Variants in PDGFC observed in about 807,000 individuals in gnomAD.
PDGFC encodes platelet-derived growth factor C.
A neutral mutation model predicts 35.5 loss-of-function variants in PDGFC; 12 were observed. The observed-to-expected ratio is 0.34, with a 90% confidence interval of 0.22 to 0.55. The LOEUF is 0.55. Among genes scored for constraint, PDGFC ranks in the 20% least tolerant of loss-of-function variants. PDGFC has a pLI of 0.91. For synonymous variants in PDGFC, 159 were observed against 148.8 expected (o/e 1.07, Z -0.50); for missense variants, 322 against 412.4 (o/e 0.78, Z 1.90).
chr4:156,826,174 A>ATTTTTTTTTTTTTTTTTTT lies in PDGFC; in HGVS notation c.315-15176_315-15158dup, dbSNP rs59421806. Among the ~76,000 whole-genome samples the ATTTTTTTTTTTTTTTTTTT allele has an allele frequency of 9.1e-5, 4 of 43,790 alleles. 1 individual carries two copies. Among genetic ancestry groups the ATTTTTTTTTTTTTTTTTTT allele is most frequent in the African/African-American group, 3.2e-4 (4 of 12,386 alleles). The allele number at this position is 43,790 out of a possible 152,430, so 28.7% of individuals were successfully genotyped here. A position where few individuals can be genotyped will look rare whatever the true frequency, so the allele number is the denominator to read the frequency against. ...GCCACCATATCCAGCTTTGAGTTGG[A>ATTTTTTTTTTTTTTTTTTT]TTTTTTTTTTTTTTTTTTTTTTTTT... On this transcript the variant is annotated intron_variant, in intron 2 of 5. Coordinates refer to ENST00000502773, the MANE Select transcript of PDGFC (RefSeq NM_016205.3).
At chr4:156,789,674 C>T (rs912336269) in intron 3 of PDGFC, among the ~76,000 whole-genome samples, 4 of 152,056 alleles carry the variant, frequency 2.6e-5, no homozygotes, top group Non-Finnish European at 4.4e-5. Flanking sequence ...TGAGACATCA[C>T]TAAAAATTAG....
intron 2 of PDGFC, among the ~76,000 whole-genome samples, chr4:156,815,725 T>C (rs1732069074): frequency 6.6e-6 from 1 of 152,176 alleles, no homozygotes; most frequent in South Asian, 2.1e-4. Context: ...CATGCCCAGG[T>C]GACTGCTCTG....
chr4:156,789,786 C>T (rs1273147367), intron 3 of PDGFC, among the ~76,000 whole-genome samples: 1 of 152,018 alleles, frequency 6.6e-6, no homozygotes, highest in Non-Finnish European at 1.5e-5. Flanking sequence ...ACCATCCTGG[C>T]TAACACGGTG....
chr4:156,935,917 C>T (rs1731669287), intron 1 of PDGFC, among the ~76,000 whole-genome samples: 1 of 152,092 alleles, frequency 6.6e-6, no homozygotes, highest in African/African-American at 2.4e-5. Flanking sequence ...ATGTCAAGTA[C>T]ACATTTTATA....
intron 1 of PDGFC, among the ~76,000 whole-genome samples, chr4:156,917,169 A>G (rs1731172081): frequency 6.6e-6 from 1 of 152,218 alleles, no homozygotes; most frequent in South Asian, 2.1e-4. Context: ...CTCTTGACAG[A>G]TGGCCTTCAA....
At chr4:156,950,668 T>C (rs974564416) in intron 1 of PDGFC, among the ~76,000 whole-genome samples, 15 of 151,840 alleles carry the variant, frequency 9.9e-5, no homozygotes, top group African/African-American at 3.1e-4. Flanking sequence ...AAAAGTTCTT[T>C]TTTTTTCCTC....
chr4:156,785,664 C>T (rs1004539381), intron 3 of PDGFC, among the ~76,000 whole-genome samples: 1 of 151,996 alleles, frequency 6.6e-6, no homozygotes, highest in Non-Finnish European at 1.5e-5. Context: ...GAGAGATGAC[C>T]GACTCTTCAA....
chr4:156,901,482 A>T (rs1014191810), intron 1 of PDGFC, among the ~76,000 whole-genome samples: 3 of 152,202 alleles, frequency 2.0e-5, no homozygotes, highest in Admixed American at 6.5e-5. Flanking sequence ...GTCACAGAGT[A>T]CATGACATAC....
intron 1 of PDGFC, among the ~76,000 whole-genome samples, chr4:156,857,325 T>C (rs571484629): frequency 2.0e-5 from 3 of 152,224 alleles, no homozygotes; most frequent in African/African-American, 7.2e-5. Context: ...AGCCTTCTGA[T>C]TTTACGAACA....
chr4:156,843,298 C>A (rs1729248526), intron 2 of PDGFC, among the ~76,000 whole-genome samples: 1 of 152,186 alleles, frequency 6.6e-6, no homozygotes, highest in African/African-American at 2.4e-5. Flanking sequence ...CTGCTGGTGC[C>A]TTGATCTTGG....
At chr4:156,888,002 T>TA (rs35591023) in intron 1 of PDGFC, among the ~76,000 whole-genome samples, 9,930 of 125,794 alleles carry the variant, frequency 0.079, 465 homozygotes, top group Middle Eastern at 0.14. Flanking sequence ...AACCCCGTCT[T>TA]AAAAAAAAAA....
At chr4:156,946,335 T>C (rs1297299917) in intron 1 of PDGFC, among the ~76,000 whole-genome samples, 2 of 151,952 alleles carry the variant, frequency 1.3e-5, no homozygotes, top group East Asian at 3.9e-4. Flanking sequence ...AACAGAAATA[T>C]AAAAAGTATA....
intron 1 of PDGFC, among the ~76,000 whole-genome samples, chr4:156,919,604 G>T (rs1328320705): frequency 6.6e-6 from 1 of 152,098 alleles, no homozygotes; most frequent in Non-Finnish European, 1.5e-5. Flanking sequence ...AGAAGCTGAG[G>T]ACCAGAGAGA....
chr4:156,808,063 A>G (rs1343144119), intron 3 of PDGFC, among the ~76,000 whole-genome samples: 1 of 152,034 alleles, frequency 6.6e-6, no homozygotes, highest in Non-Finnish European at 1.5e-5. Context: ...AGCGTAATAT[A>G]TTAGGACAGC....
chr4:156,782,527 T>A (rs1254271311), intron 3 of PDGFC, among the ~76,000 whole-genome samples: 3 of 152,186 alleles, frequency 2.0e-5, no homozygotes, highest in African/African-American at 7.2e-5. Context: ...TTTACATTTT[T>A]AAATCACTCT....
chr4:156,850,469 G>T, intron 1 of PDGFC, 53 bp from the exon 2 acceptor site: 1 of 1,033,526 alleles, frequency 9.7e-7, no homozygotes. Flanking sequence ...AAAATTATAG[G>T]TATCAAAGCA....
intron 1 of PDGFC, among the ~76,000 whole-genome samples, chr4:156,874,721 A>T (rs1306249035): frequency 2.0e-5 from 3 of 147,422 alleles, no homozygotes; most frequent in Non-Finnish European, 4.5e-5. Context: ...TCTTTTTTTA[A>T]TTTTTTTTTT....
chr4:156,899,653 A>G (rs1730719147), intron 1 of PDGFC, among the ~76,000 whole-genome samples: 1 of 152,180 alleles, frequency 6.6e-6, no homozygotes, highest in South Asian at 2.1e-4. Context: ...CGTCTCTACT[A>G]AAAACACAAA....
chr4:156,793,490 A>G (rs1265466363), intron 3 of PDGFC, among the ~76,000 whole-genome samples: 1 of 149,050 alleles, frequency 6.7e-6, no homozygotes, highest in Non-Finnish European at 1.5e-5. Context: ...ACAATTTCAT[A>G]TAGTAAGGTT....
Sources: gnomAD v4.1 joint callset for allele counts (sites outside exome capture counted in the v4.1 genomes callset) on GRCh38, gnomAD v4.1.1 for gene constraint, MANE v1.5 for transcripts, NCBI Gene and HGNC (gene_info 2026-07-23, HGNC 2026-07-21) for gene names.